Variants in SYT16 observed in about 807,000 individuals in gnomAD.
SYT16 encodes synaptotagmin 16.
A neutral mutation model predicts 61.4 loss-of-function variants in SYT16; 42 were observed. The observed-to-expected ratio is 0.68, with a 90% CI of 0.53 to 0.89. The LOEUF is 0.89. SYT16 is among the 40% of genes least tolerant of loss of function. SYT16 has a pLI of 0.00. For missense variants in SYT16, 804 were observed against 807.3 expected (o/e 1.00, Z 0.05); for synonymous variants, 314 against 302.3 (o/e 1.04, Z -0.40).
intron 1 of SYT16, among the ~76,000 whole-genome samples, chr14:61,845,347 TG>T (rs973388133): frequency 2.0e-5 from 3 of 152,118 alleles, no homozygotes; most frequent in Non-Finnish European, 4.4e-5. Flanking sequence ...GTGCCCAGCC[TG>T]GGAGACTTTT....
chr14:61,871,581 G>C (rs948072291), intron 1 of SYT16, among the ~76,000 whole-genome samples: 1 of 152,058 alleles, frequency 6.6e-6, no homozygotes, highest in African/African-American at 2.4e-5. Flanking sequence ...TTCTCTCAGG[G>C]ATCACCATTT....
chr14:61,898,743 G>A (rs779067221), intron 1 of SYT16, among the ~76,000 whole-genome samples: 4 of 152,072 alleles, frequency 2.6e-5, no homozygotes, highest in Non-Finnish European at 5.9e-5. Context: ...TGACAGGGAC[G>A]GTCTCTGCTC....
At chr14:62,014,735 G>T (rs922779216) in intron 3 of SYT16, among the ~76,000 whole-genome samples, 1 of 151,910 alleles carries the variant, frequency 6.6e-6, no homozygotes, top group Non-Finnish European at 1.5e-5. Context: ...CGCCCGGCTG[G>T]TTTCTCTATT....
chr14:62,009,424 C>T (rs1337485761), intron 3 of SYT16, among the ~76,000 whole-genome samples: 1 of 152,130 alleles, frequency 6.6e-6, no homozygotes, highest in Non-Finnish European at 1.5e-5. Flanking sequence ...ATAATACAGT[C>T]AGGAGTTAAT....
chr14:61,947,287 T>TGTGTGTGTGTGTGTGA, intron 1 of SYT16, among the ~76,000 whole-genome samples: 1 of 151,166 alleles, frequency 6.6e-6, no homozygotes, highest in Non-Finnish European at 1.5e-5. Flanking sequence ...TGTGTGTGTG[T>TGTGTGTGTGTGTGTGA]GTGTGTGTGT....
intron 1 of SYT16, among the ~76,000 whole-genome samples, chr14:61,892,459 A>G (rs2048170692): frequency 1.3e-5 from 2 of 151,146 alleles, no homozygotes; most frequent in Non-Finnish European, 2.9e-5. Context: ...TCCTTCCCCC[A>G]TTTATTCTTC....
At chr14:61,895,834 G>T (rs1431531233) in intron 1 of SYT16, among the ~76,000 whole-genome samples, 1 of 152,172 alleles carries the variant, frequency 6.6e-6, no homozygotes, top group East Asian at 1.9e-4. Flanking sequence ...TCAATTTAAG[G>T]TACATTTATT....
At chr14:61,914,999 A>G (rs867803009) in intron 1 of SYT16, among the ~76,000 whole-genome samples, 1 of 152,048 alleles carries the variant, frequency 6.6e-6, no homozygotes, top group South Asian at 2.1e-4. Flanking sequence ...CTCTTCCCTT[A>G]TCTACTGTGC....
intron 1 of SYT16, among the ~76,000 whole-genome samples, chr14:61,876,728 C>G (rs558176516): frequency 2.7e-4 from 41 of 152,238 alleles, no homozygotes; most frequent in African/African-American, 9.1e-4. Flanking sequence ...AAATTACTGT[C>G]TGTGTGTGTG....
At chr14:61,938,930 C>T (rs993040589) in intron 1 of SYT16, among the ~76,000 whole-genome samples, 39 of 152,194 alleles carry the variant, frequency 2.6e-4, no homozygotes, top group African/African-American at 8.4e-4. Context: ...AGGTCAGGAG[C>T]CCGAGACCAG....
At chr14:61,974,614 G>A (rs1334023561) in intron 2 of SYT16, among the ~76,000 whole-genome samples, 3 of 152,192 alleles carry the variant, frequency 2.0e-5, no homozygotes. Flanking sequence ...CCAGTGCCCA[G>A]ATGCTCCCTG....
At chr14:61,940,232 T>G (rs1309792909) in intron 1 of SYT16, among the ~76,000 whole-genome samples, 2 of 152,136 alleles carry the variant, frequency 1.3e-5, no homozygotes, top group Non-Finnish European at 2.9e-5. Context: ...TGACATTCCT[T>G]TTATTTCTAT....
rs539357590 is a variant in SYT16, at chr14:62,062,012, T to A, written c.524-7591T>A. Among the ~76,000 whole-genome samples, 5 of 152,348 alleles carry A rather than the reference T, an allele frequency of 3.3e-5. No homozygotes were observed. In the East Asian group the frequency reaches 9.6e-4, roughly 29 times the overall value. On this transcript the variant is annotated intron_variant, in intron 3 of 7. Transcript: ENST00000683842. Reference sequence around the variant, plus strand: ...GTTAGTTTGAATCACTCTGCCATTATCAGAACCGGAATTTTCAATATTGTA... The same window carrying A: ...GTTAGTTTGAATCACTCTGCCATTAACAGAACCGGAATTTTCAATATTGTA...
intron 1 of SYT16, among the ~76,000 whole-genome samples, chr14:61,905,513 C>A (rs1336012713): frequency 2.0e-5 from 3 of 152,216 alleles, no homozygotes; most frequent in Non-Finnish European, 4.4e-5. Context: ...TGACTGAGTT[C>A]TGACCAGTGG....
chr14:62,083,836 A>G (rs1313781057), intron 6 of SYT16, among the ~76,000 whole-genome samples: 1 of 152,124 alleles, frequency 6.6e-6, no homozygotes, highest in Non-Finnish European at 1.5e-5. Context: ...TTCCTTAGAA[A>G]CATCCAAGCA....
chr14:61,969,630 C>A (rs1361378778), intron 1 of SYT16, among the ~76,000 whole-genome samples: 1 of 152,094 alleles, frequency 6.6e-6, no homozygotes, highest in East Asian at 1.9e-4. Flanking sequence ...GCTGGATTTG[C>A]AAAAATGTAT....
At chr14:61,830,698 A>G (rs1425175864) in intron 1 of SYT16, among the ~76,000 whole-genome samples, 1 of 152,104 alleles carries the variant, frequency 6.6e-6, no homozygotes, top group Non-Finnish European at 1.5e-5. Flanking sequence ...TCCTTCAGTT[A>G]GTAAGTGCAG....
chr14:61,883,483 G>A (rs1442857758), intron 1 of SYT16, among the ~76,000 whole-genome samples: 1 of 152,148 alleles, frequency 6.6e-6, no homozygotes, highest in African/African-American at 2.4e-5. Context: ...TTCCCAACAA[G>A]TTCCTCATCT....
At chr14:61,819,737 A>G (rs578008317) in intron 1 of SYT16, among the ~76,000 whole-genome samples, 1 of 152,294 alleles carries the variant, frequency 6.6e-6, no homozygotes, top group South Asian at 2.1e-4. Context: ...TGAAGAACTG[A>G]GTGTGGTATG....
Sources: gnomAD v4.1 joint callset for allele counts (sites outside exome capture counted in the v4.1 genomes callset) on GRCh38, gnomAD v4.1.1 for gene constraint, MANE v1.5 for transcripts, NCBI Gene and HGNC (gene_info 2026-07-23, HGNC 2026-07-21) for gene names.